Variants in DIP2A observed in about 807,000 individuals in gnomAD.
DIP2A encodes the protein DIP2 acetate--CoA ligase A, also known as disco-interacting protein 2 homolog A.
In DIP2A, 85 loss-of-function variants were observed where a neutral mutation model predicts 177.4. The ratio of observed to expected loss-of-function variants is 0.48; its 90% CI spans 0.40 to 0.57. The LOEUF (loss-of-function observed/expected upper bound fraction) is 0.57. Ranked by LOEUF, DIP2A falls within the 20% of genes least tolerant of loss-of-function variation. DIP2A has a pLI of 0.00. For synonymous variants in DIP2A, 886 were observed against 881.8 expected, an observed-to-expected ratio of 1.00 and a Z score of -0.08; for missense variants, 1,791 against 2,100.2, an observed-to-expected ratio of 0.85 and a Z score of 2.88.
chr21:46,504,484 C>A lies in DIP2A; in HGVS notation c.779C>A (p.Ala260Glu). 1.2e-6 allele frequency: 2 copies of A among 1,605,634 alleles called. No individual in the cohort carries two copies. Among genetic ancestry groups the A allele is most frequent in the Middle Eastern group, 1.8e-4 (1 of 5,586 alleles). The change falls in exon 6 of 38, where the codon GCA (alanine) becomes GAA (glutamate). Residue 260 changes from alanine to glutamate, a missense_variant. Ala to Glu is a moderately radical substitution (Grantham distance 107, BLOSUM62 -1). Transcript: ENST00000417564. ...RGCSGSMLET[A>E]DGVPVNSRVS... ...TGCAGCGGGAGCATGCTGGAAACAGCAGATGGTGAGCCTGCCTCTCTTTCT... is the reference window on the plus strand; with the variant it reads ...TGCAGCGGGAGCATGCTGGAAACAGAAGATGGTGAGCCTGCCTCTCTTTCT...
intron 8 of DIP2A, 52 bp from the exon 9 acceptor site, chr21:46,529,040 A>T: frequency 1.7e-6 from 2 of 1,191,104 alleles, no homozygotes; most frequent in Non-Finnish European, 2.3e-6. Context: ...TTAAAATGTT[A>T]ATTACTTGTT....
intron 3 of DIP2A, among the ~76,000 whole-genome samples, chr21:46,493,055 G>A (rs11089070): frequency 0.35 from 53,315 of 152,004 alleles, 9,706 homozygotes; most frequent in Middle Eastern, 0.45. Flanking sequence ...AGCCCTCACC[G>A]GACACCAACC....
chr21:46,567,868 G>A lies in DIP2A; in HGVS notation c.*246G>A, dbSNP rs1361896523. 2 of 408,528 alleles carry A rather than the reference G, an allele frequency of 4.9e-6. No homozygotes were observed. The highest frequency in any genetic ancestry group is 4.2e-6 in the Non-Finnish European group (1 of 236,146). The allele number at this position is 408,528 out of a possible 1,614,324, so 25.3% of individuals were successfully genotyped here. A position where few individuals can be genotyped will look rare whatever the true frequency, so the allele number is the denominator to read the frequency against. On this transcript the variant is annotated 3_prime_UTR_variant, in exon 38 of 38. Transcript: ENST00000417564. ...GTATTTTAACAGATGGAGAGACAAGGAAAGGAAAGGAAAGGCCTGGCATGG... is the reference window on the plus strand; with the variant it reads ...GTATTTTAACAGATGGAGAGACAAGAAAAGGAAAGGAAAGGCCTGGCATGG...
At chr21:46,550,035 T>C (rs887055837) in intron 22 of DIP2A, 150 bp downstream of exon 22, 1 of 1,469,630 alleles carries the variant, frequency 6.8e-7, no homozygotes, top group African/African-American at 1.4e-5. Context: ...ATTGACAAAT[T>C]ACAGCTGTAT....
At chr21:46,546,780 T>TG in intron 20 of DIP2A, 135 bp from the exon 21 acceptor site, 2 of 950,570 alleles carry the variant, frequency 2.1e-6, no homozygotes, top group African/African-American at 1.7e-5. Flanking sequence ...ATTGGGTCTG[T>TG]GGGGCATTGA....
At position 46,556,408 on chromosome 21, in the gene DIP2A, G is replaced by T. The variant is rs1166717612; in HGVS notation, c.3498+317G>T. 7.5e-7 allele frequency: 1 copy of T among 1,340,828 alleles called. No homozygotes were observed. The allele number at this position is 1,340,828 out of a possible 1,614,324, so 83.1% of individuals were successfully genotyped here. The stretch of plus-strand genomic sequence containing the variant: ...GCTCAATTAAAATTTTTCAGGCGGG[G>T]CGTGGTGGCTCACGCCTGTAATCCC... On this transcript the variant is annotated intron_variant, in intron 29 of 37. Transcript: ENST00000417564. The surrounding 1 kb of genome is among the most constrained non-coding windows in gnomAD (Gnocchi z 4.5).
intron 1 of DIP2A, among the ~76,000 whole-genome samples, chr21:46,472,832 A>C (rs573070539): frequency 2.6e-5 from 4 of 152,110 alleles, no homozygotes; most frequent in South Asian, 2.1e-4. Context: ...GGTGACCAAG[A>C]GTAAGGCAGG....
At chr21:46,504,579 C>G in intron 6 of DIP2A, 90 bp downstream of exon 6, 1 of 1,446,016 alleles carries the variant, frequency 6.9e-7, no homozygotes, top group Non-Finnish European at 9.1e-7. Flanking sequence ...TTCACTGTAG[C>G]AAACCCAAGC....
rs1414577828 is a variant in DIP2A at position 46,557,381 on chromosome 21, C to T, written c.3630-204C>T. On this transcript the variant is annotated intron_variant, in intron 30 of 37. Transcript: ENST00000417564. The surrounding 1 kb of genome is among the most constrained non-coding windows in gnomAD (Gnocchi z 6.0). ...TGTCCCCGGATCCTCTCCAAGTGTTCGGAGCAGAGCTCAGAACCCCGTGCC... is the reference window on the plus strand; with the variant it reads ...TGTCCCCGGATCCTCTCCAAGTGTTTGGAGCAGAGCTCAGAACCCCGTGCC... 8 of 687,490 alleles carry T rather than the reference C, an allele frequency of 1.2e-5. No homozygotes were observed. The highest frequency in any genetic ancestry group is 2.7e-5 in the East Asian group (1 of 36,404). 42.6% of individuals were successfully genotyped at this position (687,490 alleles called of 1,614,324 possible). A position where few individuals can be genotyped will look rare whatever the true frequency, so the allele number is the denominator to read the frequency against.
intron 6 of DIP2A, among the ~76,000 whole-genome samples, chr21:46,506,280 G>A (rs1409200467): frequency 6.6e-6 from 1 of 152,046 alleles, no homozygotes; most frequent in Non-Finnish European, 1.5e-5. Flanking sequence ...ACCACGCCCA[G>A]TTAATTTTTG....
chr21:46,534,508 G>T, intron 12 of DIP2A, 77 bp from the exon 13 acceptor site: 1 of 1,375,016 alleles, frequency 7.3e-7, no homozygotes. Context: ...TTCTTTTGAA[G>T]ATTCTACCAG....
At chr21:46,542,660 C>A (rs1002135621) in intron 18 of DIP2A, among the ~76,000 whole-genome samples, 1 of 152,232 alleles carries the variant, frequency 6.6e-6, no homozygotes, top group East Asian at 1.9e-4. Flanking sequence ...AGGCTGCCCT[C>A]CTTGTAGCCA....
intron 3 of DIP2A, among the ~76,000 whole-genome samples, chr21:46,492,963 C>A (rs2057106040): frequency 6.6e-6 from 1 of 151,730 alleles, no homozygotes; most frequent in African/African-American, 2.4e-5. Context: ...AAAAGAGGCA[C>A]TAGAGCTTGC....
intron 1 of DIP2A, among the ~76,000 whole-genome samples, chr21:46,483,955 A>C (rs1217766128): frequency 6.6e-6 from 1 of 152,216 alleles, no homozygotes; most frequent in African/African-American, 2.4e-5. Flanking sequence ...GTGTGCTTAC[A>C]TTAAGAAGTG....
chr21:46,534,662 G>A lies in DIP2A; in HGVS notation c.1617G>A (p.Leu539=). The A allele has an allele frequency of 6.2e-7, 1 of 1,611,212 alleles. No homozygotes were observed. ...CCCTGCTGGCACAGTGCCGGGCTCT[G>A]ACCCAGGCGTGCGGGTACTCAGAAG... ...HASLLAQCRA[L]TQACGYSEAE... Residue 539 remains leucine, a synonymous_variant, in exon 13 of 38, where the codon CTG becomes CTA. Coordinates refer to ENST00000417564, the MANE Select transcript of DIP2A (RefSeq NM_015151.4).
At chr21:46,484,455 G>A (rs776381459) in intron 1 of DIP2A, among the ~76,000 whole-genome samples, 6 of 152,088 alleles carry the variant, frequency 3.9e-5, no homozygotes, top group East Asian at 3.9e-4. Context: ...TGTATCTGAC[G>A]CTATGGTTGT....
Position 46,503,665 on chromosome 21 carries a change from TTTTC to T in DIP2A, c.656-680_656-677del, listed in dbSNP as rs766572655. 4.6e-3 allele frequency among the ~76,000 whole-genome samples: 250 copies of T among 54,444 alleles called. 2 individuals are homozygous for T. Among genetic ancestry groups the T allele is most frequent in the African/African-American group, 0.019 (204 of 10,844 alleles). 35.7% of individuals were successfully genotyped at this position (54,444 alleles called of 152,430 possible). ...TCTTTCTTTCTTTTTCTTTCTTTCT[TTTTC>T]TTTCTTTCTTTCTTTTCTTTCTTTC... On this transcript the variant is annotated intron_variant, in intron 5 of 37. Transcript: ENST00000417564.
chr21:46,506,884 T>C (rs1162833509), intron 6 of DIP2A, among the ~76,000 whole-genome samples: 1 of 143,980 alleles, frequency 6.9e-6, no homozygotes, highest in Non-Finnish European at 1.5e-5. Context: ...CACTGCAACA[T>C]CCACCTCCCA....
At chr21:46,533,477 G>A (rs1423860462) in intron 10 of DIP2A, 47 bp from the exon 11 acceptor site, 1 of 1,593,840 alleles carries the variant, frequency 6.3e-7, no homozygotes, top group Admixed American at 1.8e-5. Context: ...CTGGGGCTGT[G>A]GCTGCTGTGA....
Sources: allele counts gnomAD v4.1 joint callset (sites outside exome capture counted in the v4.1 genomes callset), GRCh38; gene constraint gnomAD v4.1.1; non-coding constraint Gnocchi (gnomAD v3.1); transcripts MANE v1.5; gene names NCBI Gene and HGNC (gene_info 2026-07-23, HGNC 2026-07-21).